BMERB1: variants seen among roughly 807,000 people sequenced by gnomAD.
BMERB1 encodes the protein bMERB domain-containing protein 1.
A neutral mutation model predicts 23.6 loss-of-function variants in BMERB1; 12 were observed. That is an observed-to-expected ratio of 0.51 (90% confidence interval 0.33 to 0.82). The LOEUF (loss-of-function observed/expected upper bound fraction) is 0.82. BMERB1 is among the 40% of genes least tolerant of loss of function. The probability of loss-of-function intolerance (pLI) is 0.03; values close to 1 mark genes in which losing one functional copy is unlikely to be tolerated. For synonymous variants in BMERB1, 122 were observed against 96.6 expected (o/e 1.26, Z -1.54); for missense variants, 247 against 255.4 (o/e 0.97, Z 0.22).
chr16:15,587,603 A>G lies in BMERB1; in HGVS notation c.*774A>G. 1 of 445,570 alleles carries G rather than the reference A, an allele frequency of 2.2e-6. No homozygotes were observed. Among genetic ancestry groups the G allele is most frequent in the East Asian group, 7.2e-5 (1 of 13,842 alleles). The allele number at this position is 445,570 out of a possible 1,614,324, so 27.6% of individuals were successfully genotyped here. On this transcript the variant is annotated 3_prime_UTR_variant, in exon 6 of 6. Transcript: ENST00000300006. ...TGATGTCAAGGCCAGAGCAGTTGAG[A>G]ATGGGACCCAGAGTAGATGCTGACC...
chr16:15,587,114 GC>G lies in BMERB1; in HGVS notation c.*286del. On this transcript the variant is annotated 3_prime_UTR_variant, in exon 6 of 6. Transcript: ENST00000300006. ...CCAGGAAAGGTCCTCCCTCAAAAAAGCATATCTCCACTTCTCTCTAGCTGTA... is the reference window on the plus strand; with the variant it reads ...CCAGGAAAGGTCCTCCCTCAAAAAAGATATCTCCACTTCTCTCTAGCTGTA... 2.3e-6 allele frequency: 1 copy of G among 430,980 alleles called. No homozygotes were observed. The highest frequency in any genetic ancestry group is 4.2e-6 in the Non-Finnish European group (1 of 240,174). The allele number at this position is 430,980 out of a possible 1,614,324, so 26.7% of individuals were successfully genotyped here. A position where few individuals can be genotyped will look rare whatever the true frequency, so the allele number is the denominator to read the frequency against.
intron 1 of BMERB1, among the ~76,000 whole-genome samples, chr16:15,499,797 G>A (rs891134341): frequency 1.1e-4 from 17 of 152,162 alleles, no homozygotes; most frequent in African/African-American, 3.9e-4. Flanking sequence ...CGCCTCTTGC[G>A]GGAAGATGTC....
At chr16:15,507,109 C>T (rs1341802268) in intron 1 of BMERB1, among the ~76,000 whole-genome samples, 3 of 152,190 alleles carry the variant, frequency 2.0e-5, no homozygotes, top group Non-Finnish European at 4.4e-5. Flanking sequence ...TTGTGCAGGG[C>T]ACCCTGAGCT....
rs531417004 is a variant in BMERB1, at chr16:15,480,300, G to A, written c.107-35005G>A. Reference sequence around the variant, plus strand: ...CTAATTTGTTTTGTATTTTTTAGTAGAGACGGGGATTCACCGTGTTAGCCA... The same window carrying A: ...CTAATTTGTTTTGTATTTTTTAGTAAAGACGGGGATTCACCGTGTTAGCCA... On this transcript the variant is annotated intron_variant, in intron 1 of 5. Transcript: ENST00000300006. 1.2e-3 allele frequency among the ~76,000 whole-genome samples: 186 copies of A among 151,810 alleles called. 1 individual carries two copies. Among genetic ancestry groups the A allele is most frequent in the Non-Finnish European group, 2.4e-3 (160 of 67,948 alleles).
At chr16:15,577,641 A>G (rs1241782896) in intron 3 of BMERB1, among the ~76,000 whole-genome samples, 1 of 143,038 alleles carries the variant, frequency 7.0e-6, no homozygotes, top group African/African-American at 3.0e-5. Context: ...ATATGTTGGC[A>G]TGTTCCGGGG....
intron 1 of BMERB1, among the ~76,000 whole-genome samples, chr16:15,494,885 T>C (rs1282822131): frequency 7.0e-6 from 1 of 142,066 alleles, no homozygotes; most frequent in Non-Finnish European, 1.5e-5. Context: ...ATCTTTTTTT[T>C]TTTTTTTTTT....
chr16:15,587,179 C>T lies in BMERB1; in HGVS notation c.*350C>T. 1 of 281,864 alleles carries T rather than the reference C, an allele frequency of 3.5e-6. No homozygotes were observed. Among genetic ancestry groups the T allele is most frequent in the Non-Finnish European group, 6.8e-6 (1 of 146,156 alleles). The allele number at this position is 281,864 out of a possible 1,614,324, so 17.5% of individuals were successfully genotyped here. A position where few individuals can be genotyped will look rare whatever the true frequency, so the allele number is the denominator to read the frequency against. ...GTGAATGAACTGGGAGAGGGGCATG[C>T]TCCCCAGCTGTGTGTAGTCGTGACT... On this transcript the variant is annotated 3_prime_UTR_variant, in exon 6 of 6. Transcript: ENST00000300006.
chr16:15,438,384 G>A (rs2050906948), intron 1 of BMERB1, among the ~76,000 whole-genome samples: 1 of 151,952 alleles, frequency 6.6e-6, no homozygotes, highest in Admixed American at 6.6e-5. Context: ...ACCACACCTG[G>A]CGAAAGCTGA....
intron 1 of BMERB1, among the ~76,000 whole-genome samples, chr16:15,461,887 T>C (rs2051138459): frequency 6.6e-6 from 1 of 152,122 alleles, no homozygotes; most frequent in South Asian, 2.1e-4. Flanking sequence ...TGAGCTGTGA[T>C]TGGGCCACTG....
At chr16:15,447,442 C>T (rs1470836761) in intron 1 of BMERB1, among the ~76,000 whole-genome samples, 2 of 152,082 alleles carry the variant, frequency 1.3e-5, no homozygotes, top group Non-Finnish European at 1.5e-5. Flanking sequence ...CCCACCAGGT[C>T]CCTCCCTCCA....
intron 1 of BMERB1, among the ~76,000 whole-genome samples, chr16:15,503,314 C>T (rs2051549436): frequency 6.6e-6 from 1 of 151,846 alleles, no homozygotes; most frequent in Admixed American, 6.6e-5. Flanking sequence ...CGGAGTCTCG[C>T]TCTGTTGCCC....
chr16:15,535,815 A>G (rs2052019555), intron 2 of BMERB1, among the ~76,000 whole-genome samples: 2 of 152,128 alleles, frequency 1.3e-5, no homozygotes, highest in Admixed American at 6.5e-5. Flanking sequence ...ACAGTTTCGC[A>G]TGGCTGGGGA....
intron 1 of BMERB1, among the ~76,000 whole-genome samples, chr16:15,446,796 C>G (rs2050993662): frequency 6.6e-6 from 1 of 152,186 alleles, no homozygotes; most frequent in Non-Finnish European, 1.5e-5. Flanking sequence ...ACAAACATGC[C>G]TCTTGTAAGC....
At chr16:15,477,781 G>A (rs543412463) in intron 1 of BMERB1, among the ~76,000 whole-genome samples, 3 of 151,714 alleles carry the variant, frequency 2.0e-5, no homozygotes, top group South Asian at 4.2e-4. Context: ...CTGGGATGTT[G>A]GGGTATATGG....
intron 2 of BMERB1, 118 bp from the exon 3 acceptor site, chr16:15,567,865 G>T (rs1484380082): frequency 4.8e-6 from 4 of 837,958 alleles, no homozygotes; most frequent in South Asian, 3.4e-5. Context: ...CAATGAGCAT[G>T]TATGGCCTCT....
Position 15,456,799 on chromosome 16 carries a change from G to T in BMERB1, c.106+22040G>T, listed in dbSNP as rs532079428. 2.6e-5 allele frequency among the ~76,000 whole-genome samples: 4 copies of T among 151,920 alleles called. No homozygotes were observed. The South Asian group carries it at 8.3e-4, about 32-fold the overall frequency. On this transcript the variant is annotated intron_variant, in intron 1 of 5. Coordinates refer to ENST00000300006, the MANE Select transcript of BMERB1 (RefSeq NM_033201.3). Reference sequence around the variant, plus strand: ...GCAATAAATATCTTTTGTCATTTTTGCACATTGTCCAATTATTTCCTCTAT... The same window carrying T: ...GCAATAAATATCTTTTGTCATTTTTTCACATTGTCCAATTATTTCCTCTAT...
intron 2 of BMERB1, among the ~76,000 whole-genome samples, chr16:15,524,883 C>G (rs933175018): frequency 1.3e-5 from 2 of 152,140 alleles, no homozygotes; most frequent in African/African-American, 4.8e-5. Flanking sequence ...TCTAGAAGTT[C>G]CGTCTTCCTA....
Position 15,587,102 on chromosome 16 carries a change from T to C in BMERB1, c.*273T>C. The C allele has an allele frequency of 2.2e-6, 1 of 449,634 alleles. No individual in the cohort carries two copies. Among genetic ancestry groups the C allele is most frequent in the East Asian group, 3.9e-5 (1 of 25,352 alleles). The allele number at this position is 449,634 out of a possible 1,614,324, so 27.9% of individuals were successfully genotyped here. A position where few individuals can be genotyped will look rare whatever the true frequency, so the allele number is the denominator to read the frequency against. ...TTTATCCAAACACCAGGAAAGGTCC[T>C]CCCTCAAAAAAGCATATCTCCACTT... is the stretch of plus-strand genomic sequence containing the variant. On this transcript the variant is annotated 3_prime_UTR_variant, in exon 6 of 6. Transcript: ENST00000300006.
intron 2 of BMERB1, 113 bp downstream of exon 2, chr16:15,515,541 C>A (rs1187522810): frequency 1.4e-6 from 2 of 1,381,270 alleles, no homozygotes; most frequent in Non-Finnish European, 1.9e-6. Flanking sequence ...GCATTATGCA[C>A]GTTTTTAAAA....
Sources: allele counts gnomAD v4.1 joint callset (sites outside exome capture counted in the v4.1 genomes callset), GRCh38; gene constraint gnomAD v4.1.1; transcripts MANE v1.5; gene names NCBI Gene and HGNC (gene_info 2026-07-23, HGNC 2026-07-21).